MEOX2: variants seen among roughly 807,000 people sequenced by gnomAD.
MEOX2 encodes homeobox protein MOX-2.
Under a neutral mutation model 27.0 loss-of-function variants are expected in MEOX2, and 11 were observed. That is an observed-to-expected ratio of 0.41 (90% CI 0.26 to 0.68). The LOEUF is 0.68. Among genes scored for constraint, MEOX2 ranks in the 30% least tolerant of loss-of-function variants. MEOX2 has a pLI of 0.33. For synonymous variants in MEOX2, 189 were observed against 155.4 expected, an observed-to-expected ratio of 1.22 and a Z score of -1.61; for missense variants, 436 against 385.4, an observed-to-expected ratio of 1.13 and a Z score of -1.10.
chr7:15,684,685 C>T (rs920844353), intron 1 of MEOX2, among the ~76,000 whole-genome samples: 1 of 152,184 alleles, frequency 6.6e-6, no homozygotes, highest in Non-Finnish European at 1.5e-5. Flanking sequence ...TTCAAACCAA[C>T]ATATGGGATT....
Position 15,612,510 on chromosome 7 carries a change from C to A in MEOX2, c.792G>T (p.Lys264Asn), listed in dbSNP as rs1781048855. The change falls in exon 3 of 3, where the codon AAG becomes AAT. Residue 264 changes from lysine (K) to asparagine (N), a missense_variant. Lys to Asn is a moderately conservative substitution (Grantham distance 94). Transcript: ENST00000262041. ...AREKELVNVKKGTLLPSELSG... is the reference protein window; with the variant it reads ...AREKELVNVKNGTLLPSELSG... ...ACAGCTCTGATGGGAGAAGTGTTCC[C>A]TTTTTCACATTCACCAGTTCCTTTT... The A allele has an allele frequency of 6.2e-7, 1 of 1,614,140 alleles. No homozygotes were observed. Among genetic ancestry groups the A allele is most frequent in the African/African-American group, 1.3e-5 (1 of 75,034 alleles).
chr7:15,612,370 C>G lies in MEOX2; in HGVS notation c.*17G>C. On this transcript the variant is annotated 3_prime_UTR_variant, in exon 3 of 3. Coordinates refer to ENST00000262041, the MANE Select transcript of MEOX2 (RefSeq NM_005924.5). The stretch of plus-strand genomic sequence containing the variant: ...CAACATTTCTTTCCTGAGAATGGAG[C>G]TGGTCCTCTGTTTATATCATAAGTG... The G allele has an allele frequency of 3.8e-6, 6 of 1,599,886 alleles. No homozygotes were observed. Among genetic ancestry groups the G allele is most frequent in the Non-Finnish European group, 5.1e-6 (6 of 1,167,596 alleles).
intron 2 of MEOX2, among the ~76,000 whole-genome samples, chr7:15,619,517 G>A (rs1733835312): frequency 1.3e-5 from 2 of 151,976 alleles, no homozygotes; most frequent in South Asian, 4.1e-4. Context: ...CCAGCTTGAT[G>A]AACGTTTACA....
At chr7:15,674,780 G>A (rs927207783) in intron 1 of MEOX2, among the ~76,000 whole-genome samples, 43 of 152,126 alleles carry the variant, frequency 2.8e-4, no homozygotes, top group African/African-American at 1.0e-3. Context: ...AGATGGGTCT[G>A]GTGTTTACAC....
rs191162007 is a variant in MEOX2, at chr7:15,617,784, A to T, written c.691-5173T>A. Among the ~76,000 whole-genome samples the T allele has an allele frequency of 3.3e-5, 5 of 152,114 alleles. No homozygotes were observed. The East Asian group carries it at 9.7e-4, about 29-fold the overall frequency. ...TTAGCACATTGGGAATCATTTTCCT[A>T]CCTCTGTAATTTTTAGTTCTGAAGC... On this transcript the variant is annotated intron_variant, in intron 2 of 2. Coordinates refer to ENST00000262041, the MANE Select transcript of MEOX2 (RefSeq NM_005924.5).
chr7:15,615,450 A>T (rs1462108341), intron 2 of MEOX2, among the ~76,000 whole-genome samples: 1 of 151,914 alleles, frequency 6.6e-6, no homozygotes, highest in African/African-American at 2.4e-5. Context: ...CATATAGAGT[A>T]TGTGGACGCC....
chr7:15,649,880 G>A (rs986593085), intron 1 of MEOX2, among the ~76,000 whole-genome samples: 14 of 152,060 alleles, frequency 9.2e-5, no homozygotes, highest in Non-Finnish European at 8.8e-5. Flanking sequence ...CCTGCAGAGA[G>A]CTTATATTTT....
At chr7:15,660,906 G>C (rs971455622) in intron 1 of MEOX2, among the ~76,000 whole-genome samples, 1 of 151,052 alleles carries the variant, frequency 6.6e-6, no homozygotes, top group African/African-American at 2.4e-5. Flanking sequence ...CCAGCTACTC[G>C]GGAGGCTGAG....
At chr7:15,679,449 G>A (rs1562617409) in intron 1 of MEOX2, 2 of 152,040 alleles carry the variant, frequency 1.3e-5, no homozygotes, top group Non-Finnish European at 2.9e-5. Context: ...ATCTTAGAAA[G>A]AAAGCTTATG....
chr7:15,639,079 A>AT (rs1420978437), intron 1 of MEOX2, among the ~76,000 whole-genome samples: 1 of 152,128 alleles, frequency 6.6e-6, no homozygotes, highest in Non-Finnish European at 1.5e-5. Context: ...GATATAAGCT[A>AT]ATTTACATTC....
At chr7:15,666,751 C>CAAAAAAAAAAAAAAA (rs61294753) in intron 1 of MEOX2, among the ~76,000 whole-genome samples, 1 of 63,068 alleles carries the variant, frequency 1.6e-5, no homozygotes, top group Non-Finnish European at 2.5e-5. Context: ...GACTCTGTCT[C>CAAAAAAAAAAAAAAA]AAAAAAAAAA....
rs868107417 is a variant in MEOX2, at chr7:15,612,539, G to T, written c.763C>A (p.Arg255=). The T allele has an allele frequency of 6.2e-7, 1 of 1,614,080 alleles. No homozygotes were observed. The highest frequency in any genetic ancestry group is 8.5e-7 in the Non-Finnish European group (1 of 1,180,018). Residue 255 remains arginine (R), a synonymous_variant, in exon 3 of 3, where the codon CGG becomes AGG. Coordinates refer to ENST00000262041, the MANE Select transcript of MEOX2 (RefSeq NM_005924.5). ...VKGGQQGAAA[R]EKELVNVKKG... is the part of the protein sequence containing the mutation. Reference sequence around the variant, plus strand: ...TTCACATTCACCAGTTCCTTTTCCCGAGCCGCAGCTCCTTGCTGTCCACCC... The same window carrying T: ...TTCACATTCACCAGTTCCTTTTCCCTAGCCGCAGCTCCTTGCTGTCCACCC...
At chr7:15,638,440 A>C (rs1323169579) in intron 1 of MEOX2, among the ~76,000 whole-genome samples, 1 of 152,162 alleles carries the variant, frequency 6.6e-6, no homozygotes, top group Non-Finnish European at 1.5e-5. Flanking sequence ...CATTGGTCTC[A>C]TATGCATTTA....
At chr7:15,662,176 T>A (rs1781928884) in intron 1 of MEOX2, among the ~76,000 whole-genome samples, 1 of 149,836 alleles carries the variant, frequency 6.7e-6, no homozygotes, top group Non-Finnish European at 1.5e-5. Context: ...TTCAGTTAAT[T>A]TTTGAGAAGG....
At chr7:15,615,725 A>G (rs1256942270) in intron 2 of MEOX2, among the ~76,000 whole-genome samples, 1 of 152,040 alleles carries the variant, frequency 6.6e-6, no homozygotes, top group African/African-American at 2.4e-5. Context: ...TGGAATCATA[A>G]GCCTTTCAAG....
At chr7:15,620,033 A>G (rs1469791808) in intron 2 of MEOX2, among the ~76,000 whole-genome samples, 2 of 152,020 alleles carry the variant, frequency 1.3e-5, no homozygotes, top group African/African-American at 2.4e-5. Flanking sequence ...ATGCTTACCA[A>G]TACTGTCAAT....
At chr7:15,628,368 G>C (rs1486264519) in intron 1 of MEOX2, among the ~76,000 whole-genome samples, 1 of 152,058 alleles carries the variant, frequency 6.6e-6, no homozygotes, top group African/African-American at 2.4e-5. Flanking sequence ...TCTAGGTCTA[G>C]TAGCAGCAGC....
intron 2 of MEOX2, among the ~76,000 whole-genome samples, chr7:15,618,207 T>C (rs1042207105): frequency 6.6e-6 from 1 of 152,012 alleles, no homozygotes; most frequent in African/African-American, 2.4e-5. Context: ...CAGTAAAAAT[T>C]CACTATTCTT....
At chr7:15,637,532 GCA>G (rs1228244394) in intron 1 of MEOX2, among the ~76,000 whole-genome samples, 1 of 149,998 alleles carries the variant, frequency 6.7e-6, no homozygotes, top group Non-Finnish European at 1.5e-5. Context: ...ACACACACAC[GCA>G]CACACACACG....
Sources: allele counts gnomAD v4.1 joint callset (sites outside exome capture counted in the v4.1 genomes callset), GRCh38; gene constraint gnomAD v4.1.1; transcripts MANE v1.5; gene names NCBI Gene and HGNC (gene_info 2026-07-23, HGNC 2026-07-21).